The following GOLGA8M variants were observed in gnomAD, a reference collection of about 807,000 sequenced individuals.
GOLGA8M encodes the protein golgin A8 family member M, also known as golgin subfamily A member 8M.
In GOLGA8M, 34 loss-of-function variants were observed where a neutral mutation model predicts 87.7. The observed-to-expected ratio is 0.39, with a 90% confidence interval of 0.29 to 0.52. GOLGA8M has a LOEUF of 0.52. GOLGA8M is among the 20% of genes least tolerant of loss of function. The pLI, the probability that GOLGA8M is intolerant of heterozygous loss-of-function variation, is 0.80. For missense variants in GOLGA8M, 396 were observed against 682.2 expected (o/e 0.58, Z 4.67); for synonymous variants, 138 against 250.2 (o/e 0.55, Z 4.23).
chr15:28,704,630 T>A (rs2079949298), intron 13 of GOLGA8M, among the ~76,000 whole-genome samples: 1 of 145,296 alleles, frequency 6.9e-6, no homozygotes, highest in Non-Finnish European at 1.5e-5. Flanking sequence ...CAGGCTGGAG[T>A]GCAGTGGTGC....
At chr15:28,704,112 G>T (rs547071006) in intron 13 of GOLGA8M, among the ~76,000 whole-genome samples, 195 bp from the exon 14 acceptor site, 1 of 147,324 alleles carries the variant, frequency 6.8e-6, no homozygotes, top group African/African-American at 2.5e-5. Context: ...CCTGTACAGC[G>T]CCTCCTTCTC....
upstream of GOLGA8M, among the ~76,000 whole-genome samples, chr15:28,712,618 G>C (rs1263993703): frequency 4.0e-5 from 6 of 151,182 alleles, no homozygotes; most frequent in Non-Finnish European, 5.9e-5. Flanking sequence ...TAAGAGAGGG[G>C]AGAGGCCTCC....
intron 8 of GOLGA8M, among the ~76,000 whole-genome samples, chr15:28,707,373 C>A (rs1204962792): frequency 1.4e-5 from 2 of 143,640 alleles, no homozygotes; most frequent in Non-Finnish European, 3.0e-5. Context: ...CACACACACA[C>A]ACACACACAC....
At chr15:28,712,218 T>G (rs2080216750) in intron 1 of GOLGA8M, 58 bp downstream of exon 1, 8 of 1,499,694 alleles carry the variant, frequency 5.3e-6, no homozygotes, top group Non-Finnish European at 7.2e-6. Flanking sequence ...GGCAGGGGTC[T>G]TGTCATCAGA....
intron 1 of GOLGA8M, chr15:28,711,977 C>T (rs375138214): frequency 1.0e-6 from 1 of 984,526 alleles, no homozygotes; most frequent in East Asian, 1.2e-4. Flanking sequence ...GATGAGAGCC[C>T]AAAGAGCCCA....
In GOLGA8M at chr15:28,710,092, T is replaced by C. The variant is rs1054807192; in HGVS notation, c.168+395A>G. Reference sequence around the variant, plus strand: ...TTCAAACCCAGAATTCCTTTTTTTTTCTTTGAGACAGAGTCTTGCTCTGTC... The same window carrying C: ...TTCAAACCCAGAATTCCTTTTTTTTCCTTTGAGACAGAGTCTTGCTCTGTC... On this transcript the variant is annotated intron_variant, in intron 2 of 18. Transcript: ENST00000563027. Among the ~76,000 whole-genome samples the C allele has an allele frequency of 9.0e-5, 13 of 145,238 alleles. 3 individuals are homozygous for C. The highest frequency in any genetic ancestry group is 2.3e-4 in the African/African-American group (9 of 38,534).
rs1287957368 is a variant in GOLGA8M, at chr15:28,705,150, C to T, written c.1200+9G>A. 9.4e-6 allele frequency: 15 copies of T among 1,598,268 alleles called. No homozygotes were observed. Among genetic ancestry groups the T allele is most frequent in the Admixed American group, 1.7e-5 (1 of 59,986 alleles). On this transcript the variant is annotated intron_variant, in intron 13 of 18. Coordinates refer to ENST00000563027, the MANE Select transcript of GOLGA8M (RefSeq NM_001282468.3). ...TCTTGGATGGGGTGGAGGTTTCCGA[C>T]TCCTTCACCTCGCCAAGCTTCTCCT...
chr15:28,711,341 G>C (rs1596700068), intron 1 of GOLGA8M: 2 of 163,176 alleles, frequency 1.2e-5, no homozygotes, highest in East Asian at 3.8e-4. Context: ...GACTGAAGGA[G>C]AGTCTGGTCC....
Position 28,711,769 on chromosome 15 carries a change from T to C in GOLGA8M, c.48+507A>G, listed in dbSNP as rs57230055. On this transcript the variant is annotated intron_variant, in intron 1 of 18. Transcript: ENST00000563027. Reference sequence around the variant, plus strand: ...GGAGGGACCATGTCAGCACCATGTCTAAGTCGCTGCTCCACGATGGGGGAG... The same window carrying C: ...GGAGGGACCATGTCAGCACCATGTCCAAGTCGCTGCTCCACGATGGGGGAG... 29,936 of 972,464 alleles carry C rather than the reference T, an allele frequency of 0.031. 2,464 individuals carry two copies. In the East Asian group the frequency reaches 0.59, roughly 19 times the overall value. The allele number at this position is 972,464 out of a possible 1,614,324, so 60.2% of individuals were successfully genotyped here.
Position 28,708,118 on chromosome 15 carries a change from C to T in GOLGA8M, c.396+8G>A. 6.2e-7 allele frequency: 1 copy of T among 1,600,326 alleles called. No homozygotes were observed. Among genetic ancestry groups the T allele is most frequent in the Non-Finnish European group, 8.5e-7 (1 of 1,174,806 alleles). ...AGGACAGGAGGAAACTGCACACCCT[C>T]CACTCACCTCTAGCACCCTTTTGGC... On this transcript the variant is annotated splice_region_variant and intron_variant, in intron 6 of 18. Transcript: ENST00000563027.
chr15:28,702,592 G>T, intron 16 of GOLGA8M, 30 bp from the exon 17 acceptor site: 1 of 1,609,324 alleles, frequency 6.2e-7, no homozygotes, highest in Non-Finnish European at 8.5e-7. Flanking sequence ...AGACGCTGGG[G>T]CCCCTCCGAC....
chr15:28,708,416 G>T lies in GOLGA8M; in HGVS notation c.310-3C>A, dbSNP rs758189699. 3 of 1,595,200 alleles carry T rather than the reference G, an allele frequency of 1.9e-6. No individual in the cohort carries two copies. The highest frequency in any genetic ancestry group is 2.5e-6 in the Non-Finnish European group (3 of 1,177,486). ...TCCACTTGTTTCTTCTGTTGTTTCT[G>T]TGGGGAGAGTCAAATAAGGTGATGG... On this transcript the variant is annotated splice_region_variant and splice_polypyrimidine_tract_variant and intron_variant, in intron 4 of 18. Coordinates refer to ENST00000563027, the MANE Select transcript of GOLGA8M (RefSeq NM_001282468.3).
At chr15:28,707,136 C>T in intron 8 of GOLGA8M, among the ~76,000 whole-genome samples, 1 of 135,664 alleles carries the variant, frequency 7.4e-6, no homozygotes, top group Non-Finnish European at 1.5e-5. Context: ...TATAAACACC[C>T]AGGTCTATCC....
rs981106929 is a variant in GOLGA8M, at chr15:28,701,210, T to A, written c.*744A>T. On this transcript the variant is annotated 3_prime_UTR_variant, in exon 19 of 19. Transcript: ENST00000563027. ...AGTATCTTCATGAGCCCAGAGCACA[T>A]ACAAATCCTAAGGGCACCACCATAA... 6.6e-6 allele frequency among the ~76,000 whole-genome samples: 1 copy of A among 151,898 alleles called. No individual in the cohort carries two copies. The highest frequency in any genetic ancestry group is 2.4e-5 in the African/African-American group (1 of 41,288).
At chr15:28,704,040 G>C in intron 13 of GOLGA8M, 123 bp from the exon 14 acceptor site, 1 of 1,543,742 alleles carries the variant, frequency 6.5e-7, no homozygotes. Context: ...ATCGGCCACC[G>C]CTTTGCCTCA....
upstream of GOLGA8M, among the ~76,000 whole-genome samples, chr15:28,713,160 A>G (rs965644456): frequency 2.0e-5 from 3 of 151,440 alleles, no homozygotes; most frequent in Non-Finnish European, 4.4e-5. Flanking sequence ...TAACACGGTG[A>G]AACCCCATCT....
rs766367191 is a variant in GOLGA8M at position 28,707,867 on chromosome 15, G to C, written c.482-10C>G. 3 of 1,567,190 alleles carry C rather than the reference G, an allele frequency of 1.9e-6. No individual in the cohort carries two copies. Among genetic ancestry groups the C allele is most frequent in the South Asian group, 1.1e-5 (1 of 89,756 alleles). On this transcript the variant is annotated splice_polypyrimidine_tract_variant and intron_variant, in intron 7 of 18. Coordinates refer to ENST00000563027, the MANE Select transcript of GOLGA8M (RefSeq NM_001282468.3). ...AGATCCTTGGACTTTTCTGTAGTGA[G>C]AGAGTTGAGATGGGGCCCAAAGGAC...
intron 4 of GOLGA8M, among the ~76,000 whole-genome samples, chr15:28,708,816 C>T (rs2080118602): frequency 6.6e-6 from 1 of 151,466 alleles, no homozygotes; most frequent in Admixed American, 6.6e-5. Flanking sequence ...GAGCCCTTAG[C>T]CCTGAGGTTT....
At chr15:28,713,261 C>T (rs1053485721), upstream of GOLGA8M, among the ~76,000 whole-genome samples, 5 of 151,210 alleles carry the variant, frequency 3.3e-5, no homozygotes, top group Admixed American at 2.7e-4. Context: ...GACATGAACC[C>T]CCGAGGTGGA....
Sources: gnomAD v4.1 joint callset for allele counts (sites outside exome capture counted in the v4.1 genomes callset) on GRCh38, gnomAD v4.1.1 for gene constraint, MANE v1.5 for transcripts, NCBI Gene and HGNC (gene_info 2026-07-23, HGNC 2026-07-21) for gene names.